Variants in ATF7IP2 observed in about 807,000 individuals in gnomAD.
The protein encoded by ATF7IP2 is activating transcription factor 7-interacting protein 2.
ATF7IP2 carries 42 observed loss-of-function variants against 64.2 expected under a neutral mutation model. That is an observed-to-expected ratio of 0.65 (90% CI 0.51 to 0.85). ATF7IP2 has a LOEUF of 0.85. Among genes scored for constraint, ATF7IP2 ranks in the 40% least tolerant of loss-of-function variants. The pLI, the probability that ATF7IP2 is intolerant of heterozygous loss-of-function variation, is 0.00. For missense variants in ATF7IP2, 933 were observed against 784.2 expected, an observed-to-expected ratio of 1.19 and a Z score of -2.27; for synonymous variants, 308 against 272.8, an observed-to-expected ratio of 1.13 and a Z score of -1.27.
In ATF7IP2 at chr16:10,481,931, G is replaced by A; in HGVS notation, c.1731G>A (p.Gln577=). ...VDKTRDTLPP[Q]KPELKVKRVF... is the part of the protein sequence containing the mutation. ...AAACCCGAGACACACTTCCTCCCCA[G>A]AAGCCTGAGCTCAAAGTGAAACGGG... Residue 577 remains glutamine (Q), a synonymous_variant, in exon 14 of 14, where the codon CAG becomes CAA. Transcript: ENST00000562102. 1 of 1,614,084 alleles carries A rather than the reference G, an allele frequency of 6.2e-7. No homozygotes were observed. The highest frequency in any genetic ancestry group is 8.5e-7 in the Non-Finnish European group (1 of 1,180,002).
intron 1 of ATF7IP2, among the ~76,000 whole-genome samples, chr16:10,392,371 C>T (rs2047344512): frequency 6.7e-6 from 1 of 149,090 alleles, no homozygotes; most frequent in African/African-American, 2.5e-5. Context: ...GAGATGACAT[C>T]TCCAAGATGG....
Position 10,461,007 on chromosome 16 carries a change from A to G in ATF7IP2, c.1352+3478A>G, listed in dbSNP as rs568650208. On this transcript the variant is annotated intron_variant, in intron 9 of 13. Coordinates refer to ENST00000562102, the MANE Select transcript of ATF7IP2 (RefSeq NM_001393719.1). ...CAACAAGTCAATGAGTAAAAGCCAA[A>G]TAATACAAAAGAAAAATGGGCAAAA... is the stretch of plus-strand genomic sequence containing the variant. Among the ~76,000 whole-genome samples the G allele has an allele frequency of 7.2e-5, 11 of 152,294 alleles. No individual in the cohort carries two copies. In the South Asian group the frequency reaches 2.3e-3, roughly 32 times the overall value.
chr16:10,425,324 C>T (rs1478925749), intron 3 of ATF7IP2, among the ~76,000 whole-genome samples: 1 of 151,388 alleles, frequency 6.6e-6, no homozygotes, highest in Non-Finnish European at 1.5e-5. Context: ...CCCGCCTCAG[C>T]CTCCTAAACT....
chr16:10,472,301 C>T, intron 10 of ATF7IP2, 118 bp downstream of exon 10: 1 of 478,650 alleles, frequency 2.1e-6, no homozygotes. Context: ...TAAATGTACT[C>T]TCAAATGTTC....
At chr16:10,475,403 C>G (rs2049965289) in intron 12 of ATF7IP2, among the ~76,000 whole-genome samples, 1 of 152,044 alleles carries the variant, frequency 6.6e-6, no homozygotes, top group African/African-American at 2.4e-5. Context: ...TTTAAAATAT[C>G]CAAACTGGCT....
In ATF7IP2 at chr16:10,398,212, G is replaced by T. The variant is rs928032006; in HGVS notation, c.-242+12090G>T. Among the ~76,000 whole-genome samples the T allele has an allele frequency of 3.3e-5, 5 of 151,968 alleles. No homozygotes were observed. The East Asian group carries it at 9.6e-4, about 29-fold the overall frequency. ...CCAGCAACTCGGGAGGCTGAGGCAG[G>T]AGAATTGCTTGAACCCGGGAGGCAG... On this transcript the variant is annotated intron_variant, in intron 1 of 13. Coordinates refer to ENST00000562102, the MANE Select transcript of ATF7IP2 (RefSeq NM_001393719.1).
chr16:10,435,856 A>C (rs907737314), intron 6 of ATF7IP2, among the ~76,000 whole-genome samples: 1 of 152,198 alleles, frequency 6.6e-6, no homozygotes, highest in African/African-American at 2.4e-5. Flanking sequence ...ATTTTTAACA[A>C]CCATCCCATG....
At chr16:10,453,417 T>C (rs908246181) in intron 8 of ATF7IP2, among the ~76,000 whole-genome samples, 7 of 152,194 alleles carry the variant, frequency 4.6e-5, no homozygotes, top group Non-Finnish European at 5.9e-5. Context: ...CTACACCCAC[T>C]GTCCAACTAG....
Position 10,473,515 on chromosome 16 carries a change from C to T in ATF7IP2, c.1463C>T (p.Ser488Phe), listed in dbSNP as rs1214931278. Residue 488 changes from serine (S) to phenylalanine (F), a missense_variant, in exon 11 of 14, where the codon TCT becomes TTT. Coordinates refer to ENST00000562102, the MANE Select transcript of ATF7IP2 (RefSeq NM_001393719.1). ...ATTACATCAGGAAATTCTAGCAATTCTCCCAATGCTGAAGTTATGGTGAGT... is the reference window on the plus strand; with the variant it reads ...ATTACATCAGGAAATTCTAGCAATTTTCCCAATGCTGAAGTTATGGTGAGT... ...RKITSGNSSN[S>F]PNAEVMAVQK... The T allele has an allele frequency of 3.2e-6, 5 of 1,571,070 alleles. No homozygotes were observed. The African/African-American group carries it at 6.8e-5, about 21-fold the overall frequency.
At chr16:10,396,421 T>C (rs2047420064) in intron 1 of ATF7IP2, among the ~76,000 whole-genome samples, 1 of 152,220 alleles carries the variant, frequency 6.6e-6, no homozygotes, top group African/African-American at 2.4e-5. Flanking sequence ...TCGTTCCCTA[T>C]GCTGTCGGGG....
intron 9 of ATF7IP2, among the ~76,000 whole-genome samples, chr16:10,470,835 A>ATGTGTGTGTG (rs935505252): frequency 1.2e-4 from 16 of 138,360 alleles, no homozygotes; most frequent in South Asian, 2.4e-4. Context: ...ATATATATAT[A>ATGTGTGTGTG]TATGTGTGTG....
intron 9 of ATF7IP2, among the ~76,000 whole-genome samples, chr16:10,463,263 C>G (rs1317301228): frequency 6.6e-6 from 1 of 152,172 alleles, no homozygotes; most frequent in Admixed American, 6.5e-5. Context: ...TCACTCTGTA[C>G]TCTGGAAAGC....
rs78989597 is a variant in ATF7IP2 at position 10,403,391 on chromosome 16, C to A, written c.-241-11183C>A. The stretch of plus-strand genomic sequence containing the variant: ...ACCACCACACTAAGGCTTTTTAGAA[C>A]CAAGGAAATAATAGAGTTTTCACCA... On this transcript the variant is annotated intron_variant, in intron 1 of 13. Coordinates refer to ENST00000562102, the MANE Select transcript of ATF7IP2 (RefSeq NM_001393719.1). Among the ~76,000 whole-genome samples, 398 of 152,134 alleles carry A rather than the reference C, an allele frequency of 2.6e-3. 4 individuals carry two copies. Among genetic ancestry groups the A allele is most frequent in the African/African-American group, 9.1e-3 (377 of 41,504 alleles).
chr16:10,435,853 A>G (rs1181563385), intron 6 of ATF7IP2, among the ~76,000 whole-genome samples: 1 of 152,198 alleles, frequency 6.6e-6, no homozygotes, highest in African/African-American at 2.4e-5. Context: ...TCGATTTTTA[A>G]CAACCATCCC....
intron 3 of ATF7IP2, among the ~76,000 whole-genome samples, chr16:10,423,815 C>CCGGA (rs1470277067): frequency 1.3e-5 from 2 of 152,150 alleles, no homozygotes; most frequent in African/African-American, 4.8e-5. Flanking sequence ...CCATACTTGT[C>CCGGA]CCATTGTTAC....
At chr16:10,388,740 G>T (rs1399508177) in intron 1 of ATF7IP2, among the ~76,000 whole-genome samples, 2 of 152,208 alleles carry the variant, frequency 1.3e-5, no homozygotes. Flanking sequence ...GCCGGGCGCG[G>T]TGGCTCACAC....
chr16:10,438,988 T>A (rs1054541986), intron 7 of ATF7IP2, among the ~76,000 whole-genome samples: 1 of 146,832 alleles, frequency 6.8e-6, no homozygotes, highest in Non-Finnish European at 1.5e-5. Context: ...AGGAGGCAGA[T>A]ATTGCAGTGA....
chr16:10,419,915 G>C (rs2047959149), intron 3 of ATF7IP2, among the ~76,000 whole-genome samples: 2 of 152,206 alleles, frequency 1.3e-5, no homozygotes, highest in African/African-American at 2.4e-5. Context: ...CTTTGCAGCT[G>C]GTTTCTGTAG....
chr16:10,390,306 A>G (rs2047295742), intron 1 of ATF7IP2, among the ~76,000 whole-genome samples: 1 of 152,210 alleles, frequency 6.6e-6, no homozygotes. Flanking sequence ...ACAAAGATAC[A>G]GGAAATATGT....
Sources: allele counts gnomAD v4.1 joint callset (sites outside exome capture counted in the v4.1 genomes callset), GRCh38; gene constraint gnomAD v4.1.1; transcripts MANE v1.5; gene names NCBI Gene and HGNC (gene_info 2026-07-23, HGNC 2026-07-21).